Variants in SLC8A1 observed in about 807,000 individuals in gnomAD.
The protein encoded by SLC8A1 is solute carrier family 8 member A1.
A neutral mutation model predicts 68.3 loss-of-function variants in SLC8A1; 18 were observed. The ratio of observed to expected loss-of-function variants is 0.26; its 90% CI spans 0.18 to 0.39. The LOEUF is 0.39. Among genes scored for constraint, SLC8A1 ranks in the 10% least tolerant of loss-of-function variants. The pLI is 1.00. For missense variants in SLC8A1, 985 were observed against 1,156.7 expected, an observed-to-expected ratio of 0.85 and a Z score of 2.15; for synonymous variants, 475 against 415.5, an observed-to-expected ratio of 1.14 and a Z score of -1.74.
At chr2:40,137,045 C>T (rs1390162481) in intron 7 of SLC8A1, among the ~76,000 whole-genome samples, 2 of 152,148 alleles carry the variant, frequency 1.3e-5, no homozygotes, top group Non-Finnish European at 2.9e-5. Context: ...GATTTTCTTA[C>T]CTCTTGATGT....
chr2:40,120,838 TCTGA>T lies in SLC8A1; in HGVS notation c.2438-5213_2438-5210del, dbSNP rs753927310. Reference sequence around the variant, plus strand: ...GGCAAAATTATCAACTTCAAATCACTCTGACTGGCCATTCATTGATACGAGTGAA... The same window carrying T: ...GGCAAAATTATCAACTTCAAATCACTCTGGCCATTCATTGATACGAGTGAA... On this transcript the variant is annotated intron_variant, in intron 7 of 7. Transcript: ENST00000406785. 3.9e-5 allele frequency: 6 copies of T among 152,334 alleles called. No homozygotes were observed. In the East Asian group the frequency reaches 1.2e-3, roughly 29 times the overall value. The allele number at this position is 152,334 out of a possible 1,614,324, so 9.4% of individuals were successfully genotyped here.
intron 2 of SLC8A1, among the ~76,000 whole-genome samples, chr2:40,252,798 G>A (rs902072728): frequency 6.6e-6 from 1 of 150,488 alleles, no homozygotes; most frequent in Non-Finnish European, 1.5e-5. Flanking sequence ...ATATGTGTGT[G>A]TATATATGTA....
At chr2:40,504,982 A>G (rs972018745) in intron 1 of SLC8A1, among the ~76,000 whole-genome samples, 14 of 151,988 alleles carry the variant, frequency 9.2e-5, no homozygotes, top group Non-Finnish European at 1.5e-4. Context: ...AAGGATATCA[A>G]TATATGGAAG....
At chr2:40,318,872 T>C (rs893986316) in intron 2 of SLC8A1, among the ~76,000 whole-genome samples, 1 of 152,120 alleles carries the variant, frequency 6.6e-6, no homozygotes, top group South Asian at 2.1e-4. Context: ...TTCTTTTTTT[T>C]CCCTCAACTT....
intron 2 of SLC8A1, among the ~76,000 whole-genome samples, chr2:40,379,825 C>T (rs79326696): frequency 0.023 from 3,508 of 152,102 alleles, 58 homozygotes; most frequent in Non-Finnish European, 0.035. Flanking sequence ...TGAAGTCTTT[C>T]TAAATATCTA....
intron 1 of SLC8A1, among the ~76,000 whole-genome samples, chr2:40,460,581 A>ATT (rs11360467): frequency 7.0e-6 from 1 of 142,288 alleles, no homozygotes. Context: ...GTATTTTTTA[A>ATT]TTTTTTTTTT....
In SLC8A1 at chr2:40,247,014, C is replaced by A. The variant is rs146087155; in HGVS notation, c.1809-69159G>T. Among the ~76,000 whole-genome samples the A allele has an allele frequency of 5.2e-3, 789 of 152,182 alleles. 8 individuals are homozygous for A. The highest frequency in any genetic ancestry group is 0.018 in the African/African-American group (752 of 41,520). On this transcript the variant is annotated intron_variant, in intron 2 of 7. Coordinates refer to ENST00000406785, the Ensembl canonical transcript of SLC8A1. ...TCTTACATGTTAAGAAACTTAATAT[C>A]TGAAGAGTGAGAAATAGCCATTTTA... is the stretch of plus-strand genomic sequence containing the variant.
In SLC8A1 at chr2:40,291,729, T is replaced by C. The variant is rs541142443; in HGVS notation, c.1809-113874A>G. ...AAGAATAACTTCCAATGTCTCTCAA[T>C]GCACCTTTTGTTATTTTATGTTAGT... On this transcript the variant is annotated intron_variant, in intron 2 of 7. Coordinates refer to ENST00000406785, the Ensembl canonical transcript of SLC8A1. Among the ~76,000 whole-genome samples the C allele has an allele frequency of 2.6e-5, 4 of 152,290 alleles. No individual in the cohort carries two copies. In the South Asian group the frequency reaches 6.2e-4, roughly 24 times the overall value.
In SLC8A1 at chr2:40,352,009, A is replaced by T. The variant is rs1303473358; in HGVS notation, c.1808+76464T>A. Among the ~76,000 whole-genome samples the T allele has an allele frequency of 3.3e-5, 5 of 152,340 alleles. No individual in the cohort carries two copies. In the East Asian group the frequency reaches 7.7e-4, roughly 24 times the overall value. On this transcript the variant is annotated intron_variant, in intron 2 of 7. Coordinates refer to ENST00000406785, the Ensembl canonical transcript of SLC8A1. Reference sequence around the variant, plus strand: ...AAAGAAGCAAAAAGCTAAAATAAGGAAACATGAAAAGGTTTTTAAAACCAA... The same window carrying T: ...AAAGAAGCAAAAAGCTAAAATAAGGTAACATGAAAAGGTTTTTAAAACCAA...
intron 2 of SLC8A1, among the ~76,000 whole-genome samples, chr2:40,416,012 C>T (rs1031036181): frequency 7.5e-5 from 11 of 146,146 alleles, no homozygotes; most frequent in Non-Finnish European, 1.5e-4. Flanking sequence ...GATCACGCCA[C>T]TGCACTTAAG....
At chr2:40,301,425 A>G (rs1246607912) in intron 2 of SLC8A1, among the ~76,000 whole-genome samples, 1 of 152,244 alleles carries the variant, frequency 6.6e-6, no homozygotes, top group East Asian at 1.9e-4. Context: ...AACTGTCTTC[A>G]AAGTTTCAGG....
At chr2:40,109,362 A>G (rs975706707) in exon 8 of SLC8A1, 2 of 152,118 alleles carry the variant, frequency 1.3e-5, no homozygotes, top group African/African-American at 2.4e-5. Flanking sequence ...CTCATTCCCA[A>G]TCCACACCTA....
In SLC8A1 at chr2:40,132,862, T is replaced by C. The variant is rs78523588; in HGVS notation, c.2437+6539A>G. Among the ~76,000 whole-genome samples, 39 of 152,324 alleles carry C rather than the reference T, an allele frequency of 2.6e-4. No individual in the cohort carries two copies. In the East Asian group the frequency reaches 7.3e-3, roughly 29 times the overall value. On this transcript the variant is annotated intron_variant, in intron 7 of 7. Coordinates refer to ENST00000406785, the Ensembl canonical transcript of SLC8A1. ...TATATACAGTGCTTATGCCTAGATATAGTGGAGCTTTGTGGTAAATTTTAA... is the reference window on the plus strand; with the variant it reads ...TATATACAGTGCTTATGCCTAGATACAGTGGAGCTTTGTGGTAAATTTTAA...
At chr2:40,398,037 A>C (rs1274767429) in intron 2 of SLC8A1, among the ~76,000 whole-genome samples, 3 of 152,230 alleles carry the variant, frequency 2.0e-5, no homozygotes, top group African/African-American at 7.2e-5. Context: ...TTCATTTGAC[A>C]CCAGTGCCAG....
intron 2 of SLC8A1, among the ~76,000 whole-genome samples, chr2:40,249,140 A>T (rs1308189148): frequency 1.3e-5 from 2 of 152,176 alleles, no homozygotes; most frequent in Non-Finnish European, 2.9e-5. Flanking sequence ...TTAAGCTAAG[A>T]TCTGCACTAC....
At chr2:40,163,692 C>T (rs899090311) in intron 5 of SLC8A1, among the ~76,000 whole-genome samples, 4 of 152,096 alleles carry the variant, frequency 2.6e-5, no homozygotes, top group Admixed American at 2.6e-4. Flanking sequence ...CCCCGGACCC[C>T]CTCCTCCTAT....
At chr2:40,120,609 G>A (rs1044149479) in intron 7 of SLC8A1, 1 of 152,066 alleles carries the variant, frequency 6.6e-6, no homozygotes, top group Non-Finnish European at 1.5e-5. Flanking sequence ...TTTGATAGGA[G>A]TTTGTACATA....
chr2:40,215,249 T>G (rs192049430), intron 2 of SLC8A1, among the ~76,000 whole-genome samples: 69 of 152,250 alleles, frequency 4.5e-4, no homozygotes, highest in African/African-American at 1.6e-3. Context: ...CACTGCAACC[T>G]TGAACTCCTG....
intron 7 of SLC8A1, among the ~76,000 whole-genome samples, chr2:40,135,061 G>C (rs890023037): frequency 6.6e-6 from 1 of 152,132 alleles, no homozygotes; most frequent in African/African-American, 2.4e-5. Flanking sequence ...GAGACAGCTA[G>C]TGCAATCCAA....
Sources: allele counts gnomAD v4.1 joint callset (sites outside exome capture counted in the v4.1 genomes callset), GRCh38; gene constraint gnomAD v4.1.1; transcripts MANE v1.5; gene names NCBI Gene and HGNC (gene_info 2026-07-23, HGNC 2026-07-21).